PRKG2: variants seen among roughly 807,000 people sequenced by gnomAD.
The protein encoded by PRKG2 is protein kinase cGMP-dependent 2.
In PRKG2, 33 loss-of-function variants were observed where a neutral mutation model predicts 97.2. The ratio of observed to expected loss-of-function variants is 0.34; its 90% CI spans 0.26 to 0.45. The LOEUF (loss-of-function observed/expected upper bound fraction) is 0.45, where lower values mean the gene tolerates loss of function less well. Among genes scored for constraint, PRKG2 ranks in the 20% least tolerant of loss-of-function variants. PRKG2 has a pLI of 1.00. For synonymous variants in PRKG2, 330 were observed against 321.8 expected (o/e 1.03, Z -0.27); for missense variants, 638 against 900.0 (o/e 0.71, Z 3.73).
At chr4:81,189,129 A>G (rs1241139166) in intron 2 of PRKG2, among the ~76,000 whole-genome samples, 1 of 113,716 alleles carries the variant, frequency 8.8e-6, no homozygotes, top group Non-Finnish European at 1.6e-5. Context: ...GTAGAGCACC[A>G]AGGAAAAATA....
At chr4:81,102,063 A>T (rs544511423) in intron 17 of PRKG2, among the ~76,000 whole-genome samples, 1 of 152,310 alleles carries the variant, frequency 6.6e-6, no homozygotes, top group South Asian at 2.1e-4. Flanking sequence ...AGACACCGTA[A>T]ATTTGGTATA....
intron 9 of PRKG2, among the ~76,000 whole-genome samples, chr4:81,148,370 T>G (rs919733449): frequency 6.6e-6 from 1 of 152,152 alleles, no homozygotes; most frequent in African/African-American, 2.4e-5. Flanking sequence ...ATGAGACTTA[T>G]TTTGAAGAAT....
chr4:81,135,133 T>C lies in PRKG2; in HGVS notation c.1776+22A>G, dbSNP rs762655775. The C allele has an allele frequency of 5.7e-6, 9 of 1,592,772 alleles. No homozygotes were observed. The Admixed American group carries it at 1.4e-4, about 25-fold the overall frequency. ...AGGGGAAATATCTCATATGAGACTG[T>C]AAGTGAGAAAAGTTGTCTTACCAAT... On this transcript the variant is annotated intron_variant, in intron 14 of 18. Transcript: ENST00000264399.
chr4:81,101,716 T>TA (rs70956091), intron 17 of PRKG2, among the ~76,000 whole-genome samples: 6,071 of 102,598 alleles, frequency 0.059, 348 homozygotes, highest in African/African-American at 0.15. Context: ...TAAAATATAA[T>TA]AAAAAAAAAG....
chr4:81,204,960 C>G lies in PRKG2; in HGVS notation c.88G>C (p.Val30Leu), dbSNP rs771410076. The G allele has an allele frequency of 1.5e-5, 24 of 1,614,028 alleles. No homozygotes were observed. The South Asian group carries it at 2.5e-4, about 17-fold the overall frequency. The change falls in exon 2 of 19, where the codon GTG (valine) becomes CTG (leucine). Residue 30 changes from valine to leucine, a missense_variant. Physicochemically the swap from Val to Leu is conservative, Grantham distance 32 (BLOSUM62 1). Transcript: ENST00000264399. ...CTCAACTCTCTCTCCAGCTCTGTCA[C>G]CTTGTTCCGCAGAGCATCAGTGGTG... Reference protein sequence around the residue: ...NLTTDALRNKVTELERELRRK... With the variant: ...NLTTDALRNKLTELERELRRK...
intron 17 of PRKG2, among the ~76,000 whole-genome samples, chr4:81,096,246 T>G (rs572882782): frequency 6.6e-6 from 1 of 152,280 alleles, no homozygotes; most frequent in Non-Finnish European, 1.5e-5. Context: ...GAACTTCTTT[T>G]AAAACTGAGG....
intron 14 of PRKG2, among the ~76,000 whole-genome samples, chr4:81,118,136 C>T (rs1744732780): frequency 6.6e-6 from 1 of 152,122 alleles, no homozygotes; most frequent in South Asian, 2.1e-4. Flanking sequence ...TAATAATATG[C>T]ATTTTGTTTT....
intron 5 of PRKG2, among the ~76,000 whole-genome samples, chr4:81,167,887 C>T (rs572396580): frequency 5.3e-5 from 8 of 152,064 alleles, no homozygotes; most frequent in African/African-American, 1.9e-4. Flanking sequence ...CTGGAAAGAA[C>T]ATGGGGAAAT....
chr4:81,159,914 A>T (rs1461984436), intron 6 of PRKG2, among the ~76,000 whole-genome samples: 2 of 142,100 alleles, frequency 1.4e-5, no homozygotes, highest in Non-Finnish European at 3.0e-5. Flanking sequence ...AACAATGAGA[A>T]CACATGGACA....
At chr4:81,117,148 A>G (rs1324911957) in intron 14 of PRKG2, among the ~76,000 whole-genome samples, 4 of 151,428 alleles carry the variant, frequency 2.6e-5, no homozygotes, top group African/African-American at 9.7e-5. Context: ...GTGAACAACC[A>G]CACCCAGCTA....
At chr4:81,115,081 A>G (rs1744378087) in intron 14 of PRKG2, among the ~76,000 whole-genome samples, 1 of 152,120 alleles carries the variant, frequency 6.6e-6, no homozygotes, top group African/African-American at 2.4e-5. Context: ...TATTATTGCA[A>G]AAATGCTTCT....
intron 9 of PRKG2, among the ~76,000 whole-genome samples, chr4:81,145,776 A>G (rs1323791053): frequency 6.6e-6 from 1 of 152,164 alleles, no homozygotes; most frequent in African/African-American, 2.4e-5. Context: ...AGTAAAGACC[A>G]TGCTTTAATC....
At position 81,104,370 on chromosome 4, in the gene PRKG2, CTG is replaced by C; in HGVS notation, c.2124_2125del (p.His708GlnfsTer7). The C allele has an allele frequency of 6.6e-7, 1 of 1,519,154 alleles. No homozygotes were observed. Among genetic ancestry groups the C allele is most frequent in the Non-Finnish European group, 8.9e-7 (1 of 1,129,392 alleles). 94.1% of individuals were successfully genotyped at this position (1,519,154 alleles called of 1,614,324 possible). On this transcript the variant is annotated frameshift_variant and splice_region_variant, in exon 17 of 19. Coordinates refer to ENST00000264399, the MANE Select transcript of PRKG2 (RefSeq NM_006259.3). LOFTEE classifies it high-confidence loss of function. ...TCTGGGCAAAGAAATAATTATGTAC[CTG>C]TGTTTCTTAATGTCATTTATTCCAT...
intron 12 of PRKG2, among the ~76,000 whole-genome samples, chr4:81,139,596 T>C (rs1180993646): frequency 4.0e-5 from 6 of 148,568 alleles, no homozygotes; most frequent in Admixed American, 6.7e-5. Flanking sequence ...TGAAACCCCG[T>C]CTCTACTAAA....
At chr4:81,104,298 GAGA>G in intron 17 of PRKG2, 69 bp downstream of exon 17, 1 of 1,163,496 alleles carries the variant, frequency 8.6e-7, no homozygotes, top group South Asian at 1.6e-5. Flanking sequence ...GGCCTCCTGA[GAGA>G]AGCTTTTGCA....
intron 4 of PRKG2, 131 bp downstream of exon 4, chr4:81,171,560 G>T (rs1750478226): frequency 1.7e-6 from 1 of 603,926 alleles, no homozygotes; most frequent in Admixed American, 3.6e-5. Context: ...AATAGGCATA[G>T]CATTTCTATT....
chr4:81,204,174 A>G (rs917574953), intron 2 of PRKG2, among the ~76,000 whole-genome samples: 1 of 151,574 alleles, frequency 6.6e-6, no homozygotes, highest in Admixed American at 6.6e-5. Context: ...AGGCTCCAGC[A>G]TGTTCCTTTT....
chr4:81,154,713 T>C (rs769381284), intron 6 of PRKG2, among the ~76,000 whole-genome samples: 37 of 151,944 alleles, frequency 2.4e-4, no homozygotes, highest in Non-Finnish European at 4.6e-4. Context: ...GCAGAGCGCC[T>C]CTCCTCCTCC....
In PRKG2 at chr4:81,094,800, T is replaced by A. The variant is rs577916348; in HGVS notation, c.2127-2348A>T. Among the ~76,000 whole-genome samples the A allele has an allele frequency of 1.3e-3, 192 of 151,084 alleles. 1 individual carries two copies. Among genetic ancestry groups the A allele is most frequent in the African/African-American group, 4.6e-3 (189 of 41,184 alleles). On this transcript the variant is annotated intron_variant, in intron 17 of 18. Coordinates refer to ENST00000264399, the MANE Select transcript of PRKG2 (RefSeq NM_006259.3). ...TGCAGAGGAAACTAGAAAAAAAAAA[T>A]GATGTCTGAGAAAGAGCCAGAGGCT...
Sources: gnomAD v4.1 joint callset for allele counts (sites outside exome capture counted in the v4.1 genomes callset) on GRCh38, gnomAD v4.1.1 for gene constraint, MANE v1.5 for transcripts, NCBI Gene and HGNC (gene_info 2026-07-23, HGNC 2026-07-21) for gene names.